Variants in FAM107A observed in about 807,000 individuals in gnomAD.
FAM107A encodes the protein actin-associated protein FAM107A.
FAM107A carries 19 observed loss-of-function variants against 13.7 expected under a neutral mutation model. The ratio of observed to expected loss-of-function variants is 1.38; its 90% CI spans 0.97 to 2.03. The LOEUF is 2.03. Ranked by LOEUF, FAM107A falls within the 30% of genes most tolerant of loss-of-function variation. The pLI is 0.00. For missense variants in FAM107A, 203 were observed against 184.4 expected (o/e 1.10, Z -0.58); for synonymous variants, 82 against 74.5 (o/e 1.10, Z -0.52).
At chr3:58,578,719 C>T (rs1277224686), upstream of FAM107A, among the ~76,000 whole-genome samples, 3 of 152,148 alleles carry the variant, frequency 2.0e-5, no homozygotes, top group East Asian at 1.9e-4. Context: ...TGTTTTCTAT[C>T]GTTTAGTGTC....
At chr3:58,583,869 A>T (rs1177277284) in intron 1 of FAM107A, among the ~76,000 whole-genome samples, 2 of 151,722 alleles carry the variant, frequency 1.3e-5, no homozygotes, top group Non-Finnish European at 2.9e-5. Context: ...TTTTCTAGAG[A>T]CGAGATCTCA....
intron 1 of FAM107A, among the ~76,000 whole-genome samples, chr3:58,606,669 A>C (rs1575453399): frequency 1.3e-5 from 2 of 152,352 alleles, no homozygotes; most frequent in Non-Finnish European, 2.9e-5. Flanking sequence ...CTCTTGGCTC[A>C]CCTAACACTT....
At chr3:58,611,210 T>G (rs7649369) in intron 1 of FAM107A, among the ~76,000 whole-genome samples, 134,146 of 152,204 alleles carry the variant, frequency 0.88, 59,180 homozygotes, top group Admixed American at 0.91. Flanking sequence ...TCCCAGTCTC[T>G]GGTATCTCTT....
chr3:58,607,733 G>A (rs995075759), intron 1 of FAM107A: 1 of 152,236 alleles, frequency 6.6e-6, no homozygotes, highest in Non-Finnish European at 1.5e-5. Context: ...GCAGCCTCAA[G>A]AAACTGGGTG....
At chr3:58,572,093 C>T (rs555415910) in intron 1 of FAM107A, among the ~76,000 whole-genome samples, 1 of 152,190 alleles carries the variant, frequency 6.6e-6, no homozygotes, top group East Asian at 1.9e-4. Context: ...TGGCCAGATA[C>T]AAAATAAGTA....
At chr3:58,583,635 T>A (rs983245969) in intron 1 of FAM107A, among the ~76,000 whole-genome samples, 5 of 151,252 alleles carry the variant, frequency 3.3e-5, no homozygotes, top group South Asian at 2.1e-4. Flanking sequence ...AAAAAAAAAA[T>A]TATTTTGAAA....
At position 58,566,567 on chromosome 3, in the gene FAM107A, G is replaced by A. The variant is rs765548687; in HGVS notation, c.*21C>T. The A allele has an allele frequency of 1.9e-6, 3 of 1,583,312 alleles. No individual in the cohort carries two copies. The Admixed American group carries it at 5.0e-5, about 26-fold the overall frequency. ...GCTGTCCAGGCCAGGGTGGGCAGTG[G>A]CCTGAGCCCGGCAGCTGGCCCTACA... is the stretch of plus-strand genomic sequence containing the variant. On this transcript the variant is annotated 3_prime_UTR_variant, in exon 4 of 4. Coordinates refer to ENST00000360997, the MANE Select transcript of FAM107A (RefSeq NM_001076778.3).
At chr3:58,586,938 C>A in exon 1 of FAM107A, 1 of 1,527,810 alleles carries the variant, frequency 6.5e-7, no homozygotes, top group Non-Finnish European at 8.7e-7. Flanking sequence ...CTGCGCCATG[C>A]CCCCGCGCCT....
upstream of FAM107A, among the ~76,000 whole-genome samples, chr3:58,578,394 C>G (rs2063747294): frequency 6.6e-6 from 1 of 152,052 alleles, no homozygotes; most frequent in South Asian, 2.1e-4. Flanking sequence ...ATGGTAAAAC[C>G]CTGTCTCTAC....
intron 1 of FAM107A, among the ~76,000 whole-genome samples, chr3:58,594,026 C>T (rs772149520): frequency 1.3e-5 from 2 of 151,926 alleles, no homozygotes; most frequent in Non-Finnish European, 2.9e-5. Flanking sequence ...CCTGTTTCCT[C>T]TCCTTTGTGC....
rs369859617 is a variant in FAM107A, at chr3:58,627,077, G to A, written c.-70+339C>T. The A allele has an allele frequency of 1.3e-4, 174 of 1,376,904 alleles. 1 individual carries two copies. The Middle Eastern group carries it at 6.5e-3, about 52-fold the overall frequency. 85.3% of individuals were successfully genotyped at this position (1,376,904 alleles called of 1,614,324 possible). ...TGCTGGCGTTGATCTCAGGAGCCAG[G>A]ACCCAAGGGGCTCCCGGGGCGAGGG... On this transcript the variant is annotated intron_variant, in intron 1 of 3. Transcript: ENST00000465970.
At chr3:58,624,112 G>T (rs143842674) in intron 1 of FAM107A, among the ~76,000 whole-genome samples, 2 of 152,216 alleles carry the variant, frequency 1.3e-5, no homozygotes, top group African/African-American at 4.8e-5. Context: ...CGCAGGACCT[G>T]TGGCCTTGCT....
At chr3:58,600,938 C>T (rs1277590726) in intron 1 of FAM107A, among the ~76,000 whole-genome samples, 2 of 152,196 alleles carry the variant, frequency 1.3e-5, no homozygotes, top group Non-Finnish European at 2.9e-5. Flanking sequence ...GTGGAAAGAG[C>T]CAGCGTTTTG....
In FAM107A at chr3:58,567,202, A is replaced by G; in HGVS notation, c.327+6T>C. ...GCGTGGTCCCTGCTGGGTGCCCATC[A>G]CCCACCTGGTTCAGCCTCTGCTGCC... On this transcript the variant is annotated splice_donor_region_variant and intron_variant, in intron 3 of 3. Transcript: ENST00000360997. The G allele has an allele frequency of 1.2e-6, 2 of 1,614,060 alleles. No individual in the cohort carries two copies. The highest frequency in any genetic ancestry group is 1.7e-6 in the Non-Finnish European group (2 of 1,179,996).
upstream of FAM107A, among the ~76,000 whole-genome samples, chr3:58,578,772 C>T (rs577108324): frequency 6.6e-6 from 1 of 152,310 alleles, no homozygotes; most frequent in Non-Finnish European, 1.5e-5. Flanking sequence ...ACCAGTTAGA[C>T]CAGGCCTCCA....
At position 58,569,393 on chromosome 3, in the gene FAM107A, C is replaced by T. The variant is rs1234367260; in HGVS notation, c.170+298G>A. Among the ~76,000 whole-genome samples, 6 of 152,184 alleles carry T rather than the reference C, an allele frequency of 3.9e-5. No homozygotes were observed. In the South Asian group the frequency reaches 1.2e-3, roughly 31 times the overall value. ...TGGGTCCCATTCATTCTTGTATCCC[C>T]AGGTCTGGGCTCAGTGCCCAGCACA... On this transcript the variant is annotated intron_variant, in intron 2 of 3. Coordinates refer to ENST00000360997, the MANE Select transcript of FAM107A (RefSeq NM_001076778.3). This position sits in a 1 kb window ranked among gnomAD's most constrained non-coding sequence, Gnocchi z 5.7.
chr3:58,623,622 G>C (rs2065979880), intron 1 of FAM107A, among the ~76,000 whole-genome samples: 1 of 152,250 alleles, frequency 6.6e-6, no homozygotes, highest in Admixed American at 6.5e-5. Flanking sequence ...GGTGGGATGT[G>C]AGCACTGTTG....
At chr3:58,582,739 G>A (rs1050898630), upstream of FAM107A, among the ~76,000 whole-genome samples, 2 of 152,244 alleles carry the variant, frequency 1.3e-5, no homozygotes, top group African/African-American at 2.4e-5. Flanking sequence ...TGGCTGCCAT[G>A]GAGTCAGGGC....
At chr3:58,586,822 A>G (rs1312499810) in intron 1 of FAM107A, 14 of 1,514,454 alleles carry the variant, frequency 9.2e-6, no homozygotes, top group African/African-American at 1.4e-5. Context: ...CTCCTCGCCC[A>G]CTTCCCGCGG....
Sources: gnomAD v4.1 joint callset for allele counts (sites outside exome capture counted in the v4.1 genomes callset) on GRCh38, gnomAD v4.1.1 for gene constraint, Gnocchi (gnomAD v3.1) non-coding constraint, MANE v1.5 for transcripts, NCBI Gene and HGNC (gene_info 2026-07-23, HGNC 2026-07-21) for gene names.